Variants in CEACAM21 observed in about 807,000 individuals in gnomAD.
CEACAM21 encodes the protein CEA cell adhesion molecule 21, also known as cell adhesion molecule CEACAM21.
Under a neutral mutation model 33.2 loss-of-function variants are expected in CEACAM21, and 38 were observed. That is an observed-to-expected ratio of 1.14 (90% CI 0.88 to 1.50). The LOEUF is 1.50. CEACAM21 is among the 40% of genes most tolerant of loss of function. CEACAM21 has a pLI of 0.00. For missense variants in CEACAM21, 385 were observed against 364.6 expected (o/e 1.06, Z -0.46); for synonymous variants, 156 against 143.0 (o/e 1.09, Z -0.65).
At chr19:41,556,307 CTT>C (rs1167947231) in intron 1 of CEACAM21, among the ~76,000 whole-genome samples, 2 of 152,228 alleles carry the variant, frequency 1.3e-5, no homozygotes, top group Non-Finnish European at 2.9e-5. Flanking sequence ...AATTTCAACT[CTT>C]ATTATAGATT....
In CEACAM21 at chr19:41,558,002, C is replaced by T. The variant is rs1325343455; in HGVS notation, c.-778-6680C>T. Among the ~76,000 whole-genome samples the T allele has an allele frequency of 9.2e-5, 14 of 152,304 alleles. 1 individual carries two copies. The South Asian group carries it at 1.0e-3, about 11-fold the overall frequency. The stretch of plus-strand genomic sequence containing the variant: ...TCTCCAAAAACCATGCCAAGAGTTT[C>T]GTCTGGGGACCTGAGCCTGATCATC... On this transcript the variant is annotated intron_variant, in intron 1 of 7. Coordinates refer to the CEACAM21 transcript ENST00000407170.
At chr19:41,586,386 T>C in intron 6 of CEACAM21, 78 bp from the exon 7 acceptor site, 1 of 612,160 alleles carries the variant, frequency 1.6e-6, no homozygotes, top group South Asian at 1.4e-5. Flanking sequence ...AGAGTAGCCC[T>C]GGGTGGGCCC....
At position 41,570,547 on chromosome 19, in the gene CEACAM21, G is replaced by C. The variant is rs542374989; in HGVS notation, c.-404+5491G>C. Among the ~76,000 whole-genome samples, 7 of 152,274 alleles carry C rather than the reference G, an allele frequency of 4.6e-5. 1 individual carries two copies. In the South Asian group the frequency reaches 1.5e-3, roughly 32 times the overall value. On this transcript the variant is annotated intron_variant, in intron 2 of 7. Transcript: ENST00000407170. ...GTCCCCACAGACAACTCAGCAGTGG[G>C]GTCCTGCTGAAGTGGGACCGGGCAG...
intron 2 of CEACAM21, among the ~76,000 whole-genome samples, chr19:41,565,948 T>A (rs2042231687): frequency 7.4e-6 from 1 of 135,484 alleles, no homozygotes; most frequent in Non-Finnish European, 1.6e-5. Context: ...TTTAGACATC[T>A]TTATTGCTTT....
rs782699906 is a variant in CEACAM21 at position 41,585,826 on chromosome 19, G to A, written c.851-14G>A. 3.7e-6 allele frequency: 6 copies of A among 1,611,694 alleles called. No individual in the cohort carries two copies. The African/African-American group carries it at 5.3e-5, about 14-fold the overall frequency. On this transcript the variant is annotated splice_polypyrimidine_tract_variant and intron_variant, in intron 5 of 6. Coordinates refer to ENST00000401445, the MANE Select transcript of CEACAM21 (RefSeq NM_001098506.4). ...TCCTAACACTCTCGTGCTCACTTTTGTCTCTGTCCCCAGGCCATGGACCCT... is the reference window on the plus strand; with the variant it reads ...TCCTAACACTCTCGTGCTCACTTTTATCTCTGTCCCCAGGCCATGGACCCT...
chr19:41,572,662 C>G (rs1365254255), upstream of CEACAM21, among the ~76,000 whole-genome samples: 1 of 152,092 alleles, frequency 6.6e-6, no homozygotes, highest in Non-Finnish European at 1.5e-5. Context: ...CTGTGCACAC[C>G]CAAAACCACC....
chr19:41,567,283 C>G (rs1419308587), intron 2 of CEACAM21, among the ~76,000 whole-genome samples: 1 of 151,922 alleles, frequency 6.6e-6, no homozygotes, highest in Non-Finnish European at 1.5e-5. Flanking sequence ...TTAAACAGAC[C>G]CTGTTAAACA....
intron 1 of CEACAM21, chr19:41,552,235 G>A (rs1352523029): frequency 2.0e-5 from 3 of 152,138 alleles, no homozygotes; most frequent in African/African-American, 4.8e-5. Flanking sequence ...AATGAGTCCA[G>A]GTGCTGGGGC....
chr19:41,573,700 C>T (rs2042752831), upstream of CEACAM21, among the ~76,000 whole-genome samples: 1 of 152,168 alleles, frequency 6.6e-6, no homozygotes, highest in African/African-American at 2.4e-5. Context: ...GCAAGCACTT[C>T]CAGGGTCTCT....
At chr19:41,571,632 A>G (rs779977291), upstream of CEACAM21, among the ~76,000 whole-genome samples, 2 of 152,234 alleles carry the variant, frequency 1.3e-5, no homozygotes, top group Non-Finnish European at 1.5e-5. Flanking sequence ...ATTTCTGTTT[A>G]TGTTCAAATT....
intron 1 of CEACAM21, among the ~76,000 whole-genome samples, chr19:41,562,410 G>A (rs1555787054): frequency 6.6e-6 from 1 of 151,906 alleles, no homozygotes. Flanking sequence ...CACAAAGCAC[G>A]AAGGAAAAGA....
At chr19:41,555,806 AC>A (rs1477319505) in intron 1 of CEACAM21, among the ~76,000 whole-genome samples, 1 of 152,170 alleles carries the variant, frequency 6.6e-6, no homozygotes, top group African/African-American at 2.4e-5. Flanking sequence ...TCCAAACTGC[AC>A]CTTTCTCATC....
At chr19:41,567,626 C>G (rs2042349283) in intron 2 of CEACAM21, among the ~76,000 whole-genome samples, 1 of 152,196 alleles carries the variant, frequency 6.6e-6, no homozygotes, top group Non-Finnish European at 1.5e-5. Flanking sequence ...ATCCTGATGA[C>G]TAATTTTAGG....
At chr19:41,554,846 C>T (rs560718238) in intron 1 of CEACAM21, 1 of 152,136 alleles carries the variant, frequency 6.6e-6, no homozygotes, top group African/African-American at 2.4e-5. Flanking sequence ...TATGTTTACA[C>T]ACAAAAATAT....
chr19:41,556,443 G>C (rs782567316), intron 1 of CEACAM21, among the ~76,000 whole-genome samples: 28 of 152,198 alleles, frequency 1.8e-4, no homozygotes, highest in Admixed American at 4.6e-4. Flanking sequence ...AATCCAGAAA[G>C]ACTGTATGTA....
chr19:41,578,399 T>C (rs2043116681), intron 2 of CEACAM21, among the ~76,000 whole-genome samples: 1 of 151,954 alleles, frequency 6.6e-6, no homozygotes, highest in Non-Finnish European at 1.5e-5. Context: ...AATATTTTAA[T>C]GTTAATTTAC....
chr19:41,576,688 G>T (rs181497960), intron 1 of CEACAM21, among the ~76,000 whole-genome samples: 9 of 152,322 alleles, frequency 5.9e-5, no homozygotes, highest in Admixed American at 5.9e-4. Flanking sequence ...GATATGGAAG[G>T]CCCTGGGAAC....
At chr19:41,569,280 C>G (rs1276904694) in intron 2 of CEACAM21, among the ~76,000 whole-genome samples, 1 of 151,874 alleles carries the variant, frequency 6.6e-6, no homozygotes, top group East Asian at 1.9e-4. Flanking sequence ...GTGGCACAAT[C>G]TCAACTCACT....
At chr19:41,574,017 G>A (rs1252068326), upstream of CEACAM21, among the ~76,000 whole-genome samples, 1 of 152,174 alleles carries the variant, frequency 6.6e-6, no homozygotes, top group African/African-American at 2.4e-5. Flanking sequence ...CAATGGAATA[G>A]AATCAAGAGT....
Sources: allele counts gnomAD v4.1 joint callset (sites outside exome capture counted in the v4.1 genomes callset), GRCh38; gene constraint gnomAD v4.1.1; transcripts MANE v1.5; gene names NCBI Gene and HGNC (gene_info 2026-07-23, HGNC 2026-07-21).